The following HSDL2 variants were observed in gnomAD, a reference collection of about 807,000 sequenced individuals.
HSDL2 encodes hydroxysteroid dehydrogenase like 2, also known as hydroxysteroid dehydrogenase-like protein 2.
In HSDL2, 27 loss-of-function variants were observed where a neutral mutation model predicts 46.3. The ratio of observed to expected loss-of-function variants is 0.58; its 90% CI spans 0.43 to 0.80. The LOEUF (loss-of-function observed/expected upper bound fraction) is 0.80, where lower values mean the gene tolerates loss of function less well. HSDL2 is among the 30% of genes least tolerant of loss of function. HSDL2 has a pLI of 0.00. For synonymous variants in HSDL2, 153 were observed against 163.6 expected (o/e 0.94, Z 0.50); for missense variants, 451 against 502.7 (o/e 0.90, Z 0.98).
At chr9:112,408,755 C>A in intron 3 of HSDL2, 152 bp from the exon 4 acceptor site, 6 of 512,066 alleles carry the variant, frequency 1.2e-5, no homozygotes, top group Non-Finnish European at 2.1e-5. Context: ...CTTAAGGGAC[C>A]ATGTTGCGTA....
chr9:112,456,452 C>T (rs1833026968), intron 9 of HSDL2, among the ~76,000 whole-genome samples: 1 of 152,150 alleles, frequency 6.6e-6, no homozygotes, highest in Non-Finnish European at 1.5e-5. Flanking sequence ...ATGCTCCTTC[C>T]CCAGTCCTTC....
intron 1 of HSDL2, among the ~76,000 whole-genome samples, chr9:112,396,877 G>T (rs1831468574): frequency 6.6e-6 from 1 of 152,182 alleles, no homozygotes; most frequent in African/African-American, 2.4e-5. Context: ...GTTTGTGTGT[G>T]CTGGGGGCTG....
Position 112,416,059 on chromosome 9 carries a change from T to C in HSDL2, c.396-782T>C, listed in dbSNP as rs377420401. Reference sequence around the variant, plus strand: ...GGGAGGCGGAGCTTGCAGTGAGCGATTGTGCCACTTCACTCCAGCCTGGGC... The same window carrying C: ...GGGAGGCGGAGCTTGCAGTGAGCGACTGTGCCACTTCACTCCAGCCTGGGC... On this transcript the variant is annotated intron_variant, in intron 4 of 10. Coordinates refer to ENST00000398805, the MANE Select transcript of HSDL2 (RefSeq NM_032303.5). Among the ~76,000 whole-genome samples, 7 of 151,536 alleles carry C rather than the reference T, an allele frequency of 4.6e-5. No homozygotes were observed. In the South Asian group the frequency reaches 8.3e-4, roughly 18 times the overall value.
At chr9:112,466,771 TTATACC>T (rs1833403344) in intron 10 of HSDL2, among the ~76,000 whole-genome samples, 1 of 152,292 alleles carries the variant, frequency 6.6e-6, no homozygotes, top group Admixed American at 6.5e-5. Context: ...TTAGGAAGCT[TTATACC>T]TATATTTTCT....
At chr9:112,421,186 G>A (rs1041385076) in intron 6 of HSDL2, among the ~76,000 whole-genome samples, 14 of 152,084 alleles carry the variant, frequency 9.2e-5, no homozygotes, top group Admixed American at 6.6e-5. Context: ...AGTTAGCTGG[G>A]CACAGTGGAG....
chr9:112,388,548 G>C (rs1339414809), intron 1 of HSDL2, among the ~76,000 whole-genome samples: 1 of 150,974 alleles, frequency 6.6e-6, no homozygotes, highest in Admixed American at 6.6e-5. Context: ...TGGATCACAA[G>C]GTCAGGAGTC....
At chr9:112,437,728 G>C (rs2132669667) in intron 6 of HSDL2, among the ~76,000 whole-genome samples, 1 of 152,286 alleles carries the variant, frequency 6.6e-6, no homozygotes, top group East Asian at 1.9e-4. Flanking sequence ...TGTTGGTACT[G>C]TCTGTTTTCA....
At chr9:112,463,494 C>T (rs1055091948) in intron 10 of HSDL2, among the ~76,000 whole-genome samples, 1 of 152,108 alleles carries the variant, frequency 6.6e-6, no homozygotes, top group African/African-American at 2.4e-5. Context: ...TATTAAGGTT[C>T]CATTTTCTCT....
chr9:112,423,912 C>G (rs548402259), intron 6 of HSDL2, among the ~76,000 whole-genome samples: 1 of 151,346 alleles, frequency 6.6e-6, no homozygotes, highest in Non-Finnish European at 1.5e-5. Flanking sequence ...CAGGGTTTCA[C>G]TATGTTGGCC....
rs1349084928 is a variant in HSDL2, at chr9:112,441,865, C to CT, written c.865+96dup. 17 of 764,736 alleles carry CT rather than the reference C, an allele frequency of 2.2e-5. No homozygotes were observed. In the East Asian group the frequency reaches 3.8e-4, roughly 17 times the overall value. The allele number at this position is 764,736 out of a possible 1,614,324, so 47.4% of individuals were successfully genotyped here. On this transcript the variant is annotated intron_variant, in intron 8 of 10. Transcript: ENST00000398805. ...AATTGATCCTATAACAGTGACATTT[C>CT]TGCCTTCTGTTTTTAAACTGTTTTG...
intron 5 of HSDL2, among the ~76,000 whole-genome samples, chr9:112,417,867 C>A (rs1832028855): frequency 6.6e-6 from 1 of 151,210 alleles, no homozygotes; most frequent in Admixed American, 6.6e-5. Flanking sequence ...CACTTGAGGT[C>A]AGGAGTTTGA....
intron 8 of HSDL2, among the ~76,000 whole-genome samples, chr9:112,448,051 A>G (rs911317143): frequency 7.2e-5 from 11 of 152,138 alleles, no homozygotes; most frequent in Non-Finnish European, 1.5e-4. Flanking sequence ...TGGGCATATC[A>G]CTTCAGCTCT....
At chr9:112,445,174 G>A (rs185060390) in intron 8 of HSDL2, among the ~76,000 whole-genome samples, 44 of 151,612 alleles carry the variant, frequency 2.9e-4, no homozygotes, top group South Asian at 6.3e-4. Context: ...CTATGGCGCT[G>A]GGCCTATTTT....
At chr9:112,440,000 G>C (rs1832606290) in intron 7 of HSDL2, among the ~76,000 whole-genome samples, 1 of 152,184 alleles carries the variant, frequency 6.6e-6, no homozygotes, top group South Asian at 2.1e-4. Context: ...AGTACACTCA[G>C]AATATTTAGT....
At position 112,469,256 on chromosome 9, in the gene HSDL2, A is replaced by G. The variant is rs1188201986; in HGVS notation, c.1145-1176A>G. On this transcript the variant is annotated intron_variant, in intron 10 of 10. Transcript: ENST00000398805. Reference sequence around the variant, plus strand: ...TAATATAATATATATATAATATATTAACTCACACACTTTCTCTGCAAAGAA... The same window carrying G: ...TAATATAATATATATATAATATATTGACTCACACACTTTCTCTGCAAAGAA... Among the ~76,000 whole-genome samples, 3 of 151,982 alleles carry G rather than the reference A, an allele frequency of 2.0e-5. No individual in the cohort carries two copies. In the East Asian group the frequency reaches 5.8e-4, roughly 29 times the overall value.
At chr9:112,444,834 G>GTTTTTTTTTT in intron 8 of HSDL2, among the ~76,000 whole-genome samples, 1 of 79,658 alleles carries the variant, frequency 1.3e-5, no homozygotes, top group Non-Finnish European at 2.3e-5. Context: ...ACTCAGTCTT[G>GTTTTTTTTTT]TTTTTTTTTT....
intron 6 of HSDL2, among the ~76,000 whole-genome samples, chr9:112,426,126 C>T (rs1455804664): frequency 6.6e-6 from 1 of 152,060 alleles, no homozygotes; most frequent in Admixed American, 6.6e-5. Flanking sequence ...TTTGTGGCAC[C>T]CTGGTCACCC....
At chr9:112,454,528 G>A (rs1436548971) in intron 9 of HSDL2, among the ~76,000 whole-genome samples, 1 of 151,948 alleles carries the variant, frequency 6.6e-6, no homozygotes, top group African/African-American at 2.4e-5. Context: ...AATACTCCCA[G>A]TGTTATATAA....
intron 1 of HSDL2, among the ~76,000 whole-genome samples, chr9:112,403,333 A>T (rs1015132279): frequency 4.6e-5 from 7 of 152,190 alleles, no homozygotes; most frequent in African/African-American, 1.7e-4. Context: ...TATAAATGGC[A>T]TCATATGTGG....
Sources: allele counts gnomAD v4.1 joint callset (sites outside exome capture counted in the v4.1 genomes callset), GRCh38; gene constraint gnomAD v4.1.1; transcripts MANE v1.5; gene names NCBI Gene and HGNC (gene_info 2026-07-23, HGNC 2026-07-21).